Variants in RASGRP4 observed in about 807,000 individuals in gnomAD.
The protein encoded by RASGRP4 is RAS guanyl-releasing protein 4.
Under a neutral mutation model 84.4 loss-of-function variants are expected in RASGRP4, and 52 were observed. The observed-to-expected ratio is 0.62, with a 90% CI of 0.49 to 0.78. RASGRP4 has a LOEUF of 0.78. Ranked by LOEUF, RASGRP4 falls within the 30% of genes least tolerant of loss-of-function variation. The pLI, the probability that RASGRP4 is intolerant of heterozygous loss-of-function variation, is 0.00. For synonymous variants in RASGRP4, 356 were observed against 359.1 expected (o/e 0.99, Z 0.10); for missense variants, 760 against 886.9 (o/e 0.86, Z 1.82).
chr19:38,411,291 T>C, intron 14 of RASGRP4, 42 bp from the exon 15 acceptor site: 1 of 1,613,104 alleles, frequency 6.2e-7, no homozygotes, highest in Non-Finnish European at 8.5e-7. Context: ...GTGTCATCCA[T>C]TCTTCCAGCC....
chr19:38,419,858 A>G lies in RASGRP4; in HGVS notation c.663+2T>C. 1 of 1,588,016 alleles carries G rather than the reference A, an allele frequency of 6.3e-7. No individual in the cohort carries two copies. The highest frequency in any genetic ancestry group is 8.6e-7 in the Non-Finnish European group (1 of 1,166,808). ...GGGACGGGGATGGGAGGGGGTCCTC[A>G]CCGTGATAGCCTGGAAGGACCGGAA... On this transcript the variant is annotated splice_donor_variant, in intron 6 of 16. Transcript: ENST00000615439. LOFTEE classifies it high-confidence loss of function.
At position 38,421,976 on chromosome 19, in the gene RASGRP4, C is replaced by G; in HGVS notation, c.201G>C (p.Gln67His). The G allele has an allele frequency of 6.2e-7, 1 of 1,611,254 alleles. No homozygotes were observed. Among genetic ancestry groups the G allele is most frequent in the Non-Finnish European group, 8.5e-7 (1 of 1,178,924 alleles). Residue 67 changes from glutamine (Q) to histidine (H), a missense_variant, in exon 2 of 17, where the codon CAG becomes CAC. Transcript: ENST00000615439. ...TGGGGAGAGGACACTTACCGAAGGA[C>G]TGGATGCATTTCTCCAGCAGCTCAT... ...SEDELLEKCI[Q>H]SFDSAGSLCH...
At chr19:38,422,329 C>G (rs1468844972) in intron 1 of RASGRP4, among the ~76,000 whole-genome samples, 176 bp from the exon 2 acceptor site, 1 of 152,216 alleles carries the variant, frequency 6.6e-6, no homozygotes, top group Non-Finnish European at 1.5e-5. Context: ...TATTCCAGAT[C>G]CCTGGGGGAA....
intron 2 of RASGRP4, 42 bp downstream of exon 2, chr19:38,421,927 C>G: frequency 2.6e-6 from 4 of 1,568,114 alleles, no homozygotes; most frequent in Non-Finnish European, 3.5e-6. Flanking sequence ...GTGCTGAGCC[C>G]GAGGTTAGGG....
chr19:38,425,310 C>T (rs191681449), intron 1 of RASGRP4, among the ~76,000 whole-genome samples: 163 of 152,198 alleles, frequency 1.1e-3, no homozygotes, highest in African/African-American at 3.6e-3. Flanking sequence ...TAGAGTGTCT[C>T]ATTGAGTACT....
rs752511659 is a variant in RASGRP4 at position 38,421,080 on chromosome 19, A to G, written c.314+15T>C. 5.2e-5 allele frequency: 84 copies of G among 1,612,184 alleles called. 1 individual carries two copies. The highest frequency in any genetic ancestry group is 5.0e-4 in the Middle Eastern group (3 of 6,060). On this transcript the variant is annotated intron_variant, in intron 3 of 16. Coordinates refer to ENST00000615439, the MANE Select transcript of RASGRP4 (RefSeq NM_170604.3). ...CCTCTGCCCTCCACCCATAGCTCAC[A>G]GTCCTGGAGGATATGAGGTCAGCAG...
At position 38,412,884 on chromosome 19, in the gene RASGRP4, C is replaced by T. The variant is rs760953807; in HGVS notation, c.1535+47G>A. The T allele has an allele frequency of 2.5e-6, 4 of 1,613,182 alleles. No individual in the cohort carries two copies. Among genetic ancestry groups the T allele is most frequent in the East Asian group, 2.2e-5 (1 of 44,880 alleles). ...CCTCCAGACCCAGGAGTCCAGGCAA[C>T]CCCAGTGTCCTCATCTTCGGAGGAT... On this transcript the variant is annotated intron_variant, in intron 12 of 16. Transcript: ENST00000615439. This position sits in a 1 kb window ranked among gnomAD's most constrained non-coding sequence, Gnocchi z 4.6.
Position 38,409,105 on chromosome 19 carries a change from G to A in RASGRP4, c.*935C>T. On this transcript the variant is annotated 3_prime_UTR_variant, in exon 17 of 17. Transcript: ENST00000615439. ...TGACAGCTGTAGGACCTCTCTCTGT[G>A]GGGGCCAAGTCAGGGGTGTTGGGGT... 2.3e-6 allele frequency: 1 copy of A among 438,122 alleles called. No homozygotes were observed. The allele number at this position is 438,122 out of a possible 1,614,324, so 27.1% of individuals were successfully genotyped here. A position where few individuals can be genotyped will look rare whatever the true frequency, so the allele number is the denominator to read the frequency against.
chr19:38,410,018 AAG>A lies in RASGRP4; in HGVS notation c.*20_*21del, dbSNP rs1219265244. The A allele has an allele frequency of 1.9e-6, 3 of 1,602,394 alleles. No individual in the cohort carries two copies. The African/African-American group carries it at 4.0e-5, about 22-fold the overall frequency. ...GACTGACTGGGGGAAGGGAGTGAGG[AAG>A]AGAGGAGACCAAGAGATGTCTAGGA... On this transcript the variant is annotated 3_prime_UTR_variant, in exon 17 of 17. Coordinates refer to ENST00000615439, the MANE Select transcript of RASGRP4 (RefSeq NM_170604.3).
chr19:38,415,780 T>C (rs1971474184), intron 8 of RASGRP4, among the ~76,000 whole-genome samples: 1 of 151,688 alleles, frequency 6.6e-6, no homozygotes, highest in South Asian at 2.1e-4. Flanking sequence ...GCTTGATGGC[T>C]GGGCACGGTG....
At position 38,418,413 on chromosome 19, in the gene RASGRP4, T is replaced by C. The variant is rs371808287; in HGVS notation, c.815A>G (p.Asp272Gly). The C allele has an allele frequency of 1.4e-5, 22 of 1,607,292 alleles. No homozygotes were observed. Among genetic ancestry groups the C allele is most frequent in the South Asian group, 6.7e-5 (6 of 89,704 alleles). Residue 272 changes from aspartate (D) to glycine (G), a missense_variant, in exon 7 of 17, where the codon GAC (aspartate) becomes GGC (glycine). By Grantham distance (94) the Asp-to-Gly change is moderately conservative. Transcript: ENST00000615439. This position sits in a 1 kb window ranked among gnomAD's most constrained non-coding sequence, Gnocchi z 4.6. ...CACCTGTGCCACGTGAATGAACTTG[T>C]CCAGCACCTGTGCACGCTGTAGGGG... ...PGPLQRAQVL[D>G]KFIHVAQRLH... is the part of the protein sequence containing the mutation.
chr19:38,415,049 G>A lies in RASGRP4; in HGVS notation c.1029C>T (p.Cys343=), dbSNP rs759575924. Residue 343 remains cysteine (C), a synonymous_variant, in exon 9 of 17, where the codon TGC becomes TGT. Transcript: ENST00000615439. ...YARYRRTWAG[C]AGFRLPVLGV... ...CCAGTACAGGCAGCCGGAAACCCGC[G>A]CAGCCAGCCCAGGTGCGGCGGTAGC... 4 of 1,606,188 alleles carry A rather than the reference G, an allele frequency of 2.5e-6. No homozygotes were observed. Among genetic ancestry groups the A allele is most frequent in the Admixed American group, 1.7e-5 (1 of 58,680 alleles).
Position 38,417,230 on chromosome 19 carries a change from T to A in RASGRP4, c.838-62A>T. ...AGGGAGGGCAAGTCAGGAGTTCAGA[T>A]GACAGCATCCCAGTTGAGGTGGGGT... On this transcript the variant is annotated intron_variant, in intron 7 of 16. Transcript: ENST00000615439. The surrounding 1 kb of genome is among the most constrained non-coding windows in gnomAD (Gnocchi z 5.1). 9.4e-7 allele frequency: 1 copy of A among 1,067,986 alleles called. No individual in the cohort carries two copies. The highest frequency in any genetic ancestry group is 1.4e-6 in the Non-Finnish European group (1 of 706,626). The allele number at this position is 1,067,986 out of a possible 1,614,324, so 66.2% of individuals were successfully genotyped here.
chr19:38,422,211 A>T, intron 1 of RASGRP4, 58 bp from the exon 2 acceptor site: 1 of 1,490,838 alleles, frequency 6.7e-7, no homozygotes, highest in South Asian at 1.3e-5. Flanking sequence ...AGACCCTAGA[A>T]TTCCTTTTGA....
Position 38,413,346 on chromosome 19 carries a change from G to A in RASGRP4, c.1311+48C>T, listed in dbSNP as rs775843994. 78 of 1,602,820 alleles carry A rather than the reference G, an allele frequency of 4.9e-5. No individual in the cohort carries two copies. The highest frequency in any genetic ancestry group is 6.1e-5 in the Non-Finnish European group (71 of 1,171,364). On this transcript the variant is annotated intron_variant, in intron 10 of 16. Coordinates refer to ENST00000615439, the MANE Select transcript of RASGRP4 (RefSeq NM_170604.3). The surrounding 1 kb of genome is among the most constrained non-coding windows in gnomAD (Gnocchi z 4.7). ...AGTTAGTCACTGCATAGGCTTAGGG[G>A]GGGTTCGAGGTAATTGGGGGAGTCC...
At position 38,409,973 on chromosome 19, in the gene RASGRP4, A is replaced by G; in HGVS notation, c.*67T>C. ...GGCCTACCTCTGGGAGCCCTGCCAG[A>G]GTCTGACGGCAGGACTCAGGACTGA... is the stretch of plus-strand genomic sequence containing the variant. On this transcript the variant is annotated 3_prime_UTR_variant, in exon 17 of 17. Coordinates refer to ENST00000615439, the MANE Select transcript of RASGRP4 (RefSeq NM_170604.3). 1 of 1,332,938 alleles carries G rather than the reference A, an allele frequency of 7.5e-7. No individual in the cohort carries two copies. The highest frequency in any genetic ancestry group is 1.3e-5 in the South Asian group (1 of 76,884). 82.6% of individuals were successfully genotyped at this position (1,332,938 alleles called of 1,614,324 possible).
In RASGRP4 at chr19:38,413,156, C is replaced by T; in HGVS notation, c.1416+37G>A. On this transcript the variant is annotated intron_variant, in intron 11 of 16. Transcript: ENST00000615439. This position sits in a 1 kb window ranked among gnomAD's most constrained non-coding sequence, Gnocchi z 4.7. ...CAGGGTTCTACAGATGTCTTCCCTC[C>T]TGGCTGCTGGCGGCCGGGCCACCCT... 13 of 1,596,834 alleles carry T rather than the reference C, an allele frequency of 8.1e-6. No individual in the cohort carries two copies. Among genetic ancestry groups the T allele is most frequent in the Non-Finnish European group, 1.1e-5 (13 of 1,165,242 alleles).
Position 38,414,965 on chromosome 19 carries a change from G to A in RASGRP4, c.1113C>T (p.Asp371=), listed in dbSNP as rs762124339. 20 of 1,613,552 alleles carry A rather than the reference G, an allele frequency of 1.2e-5. No homozygotes were observed. The highest frequency in any genetic ancestry group is 4.5e-5 in the East Asian group (2 of 44,874). The change falls in exon 9 of 17, where the codon GAC becomes GAT. Residue 371 remains aspartate, a synonymous_variant. Transcript: ENST00000615439. ...LHEAQPDRLP[D]GRLHLPKLNN... is the part of the protein sequence containing the mutation. Reference sequence around the variant, plus strand: ...TCAGCTTGGGTAGGTGCAGGCGGCCGTCAGGCAACCTGTCGGGCTGTGCCT... The same window carrying A: ...TCAGCTTGGGTAGGTGCAGGCGGCCATCAGGCAACCTGTCGGGCTGTGCCT...
Position 38,421,101 on chromosome 19 carries a change from A to G in RASGRP4, c.308T>C (p.Leu103Pro), listed in dbSNP as rs990878286. The G allele has an allele frequency of 6.2e-7, 1 of 1,613,666 alleles. No individual in the cohort carries two copies. The highest frequency in any genetic ancestry group is 8.5e-7 in the Non-Finnish European group (1 of 1,179,638). ...TCACAGTCCTGGAGGATATGAGGTCAGCAGGCGGGCAGCCAGGTCGGCGGA... is the reference window on the plus strand; with the variant it reads ...TCACAGTCCTGGAGGATATGAGGTCGGCAGGCGGGCAGCCAGGTCGGCGGA... ...LPSADLAARL[L>P]TSYQKATGDT... Residue 103 changes from leucine to proline, a missense_variant, in exon 3 of 17, where the codon CTG becomes CCG. Leu to Pro is a moderately conservative substitution (Grantham distance 98). Coordinates refer to ENST00000615439, the MANE Select transcript of RASGRP4 (RefSeq NM_170604.3).
Sources: gnomAD v4.1 joint callset for allele counts (sites outside exome capture counted in the v4.1 genomes callset) on GRCh38, gnomAD v4.1.1 for gene constraint, Gnocchi (gnomAD v3.1) non-coding constraint, MANE v1.5 for transcripts, NCBI Gene and HGNC (gene_info 2026-07-23, HGNC 2026-07-21) for gene names.